The following MTERF4 variants were observed in gnomAD, a reference collection of about 807,000 sequenced individuals.
MTERF4 encodes transcription termination factor 4, mitochondrial.
MTERF4 carries 17 observed loss-of-function variants against 22.5 expected under a neutral mutation model. The ratio of observed to expected loss-of-function variants is 0.75; its 90% confidence interval spans 0.52 to 1.13. The LOEUF is 1.13. Ranked by LOEUF, MTERF4 falls within the 50% of genes most tolerant of loss-of-function variation. The probability of loss-of-function intolerance (pLI) is 0.00; values close to 1 mark genes in which losing one functional copy is unlikely to be tolerated. For synonymous variants in MTERF4, 165 were observed against 175.3 expected (o/e 0.94, Z 0.47); for missense variants, 420 against 466.8 (o/e 0.90, Z 0.92).
chr2:241,077,330 CAT>C (rs1216560968), intron 4 of MTERF4, among the ~76,000 whole-genome samples: 1 of 152,140 alleles, frequency 6.6e-6, no homozygotes, highest in Admixed American at 6.5e-5. Flanking sequence ...TAGAAGAAAA[CAT>C]AGGAGTAAAT....
chr2:241,044,184 ATAGGTTCAGTC>A, the MTERF4 span, among the ~76,000 whole-genome samples: 1 of 152,236 alleles, frequency 6.6e-6, no homozygotes, highest in Admixed American at 6.5e-5. Flanking sequence ...TAGCAAGATG[ATAGGTTCAGTC>A]TAGTCATATT....
At position 241,096,108 on chromosome 2, in the gene MTERF4, C is replaced by T. The variant is rs1169199128; in HGVS notation, c.1036G>A (p.Asp346Asn). 9.3e-6 allele frequency: 15 copies of T among 1,613,418 alleles called. No individual in the cohort carries two copies. Among genetic ancestry groups the T allele is most frequent in the African/African-American group, 4.0e-5 (3 of 74,726 alleles). The change falls in exon 4 of 4, where the codon GAT (aspartate) becomes AAT (asparagine). Residue 346 changes from aspartate (D) to asparagine (N), a missense_variant. By Grantham distance (23) the Asp-to-Asn change is conservative (BLOSUM62 1). Transcript: ENST00000391980. This position sits in a 1 kb window ranked among gnomAD's most constrained non-coding sequence, Gnocchi z 5.1. ...TCCTCATCATTGTCCTCCTCATCAT[C>T]GTCATCCTCATCCTCATCCAGACTT... ...RASLDEDEDDDDEEDNDEDDN... is the reference protein window; with the variant it reads ...RASLDEDEDDNDEEDNDEDDN...
the MTERF4 span, chr2:241,048,575 G>T: frequency 6.7e-7 from 1 of 1,501,424 alleles, no homozygotes; most frequent in Admixed American, 2.0e-5. Context: ...TGTATGGGAA[G>T]TTGGCCAGGA....
chr2:241,078,122 C>A (rs568394101), intron 4 of MTERF4, among the ~76,000 whole-genome samples: 1 of 152,092 alleles, frequency 6.6e-6, no homozygotes, highest in Non-Finnish European at 1.5e-5. Flanking sequence ...CGGTGGCTCA[C>A]GCCTGTAATC....
the MTERF4 span, among the ~76,000 whole-genome samples, chr2:241,047,146 C>CAAAAAAAA: frequency 1.5e-5 from 1 of 68,134 alleles, no homozygotes; most frequent in African/African-American, 4.6e-5. Context: ...GAGACTCTGT[C>CAAAAAAAA]AAAAAAAAAA....
At chr2:241,091,612 T>A (rs1199395064), downstream of MTERF4, 1 of 152,276 alleles carries the variant, frequency 6.6e-6, no homozygotes, top group Non-Finnish European at 1.5e-5. This position sits in a 1 kb window ranked among gnomAD's most constrained non-coding sequence, Gnocchi z 4.1. Flanking sequence ...ATTCTCCTCA[T>A]GCTTCACTTT....
chr2:241,089,311 G>C (rs938749127), downstream of MTERF4: 4 of 1,550,200 alleles, frequency 2.6e-6, no homozygotes, highest in South Asian at 1.2e-5. Context: ...GCAGATGAGT[G>C]AGGCACCCTT....
downstream of MTERF4, chr2:241,090,183 G>A (rs927948073): frequency 2.0e-6 from 3 of 1,466,044 alleles, no homozygotes; most frequent in Admixed American, 5.1e-5. Context: ...TCTGTCCTTA[G>A]TGCTTTTCTC....
intron 4 of MTERF4, among the ~76,000 whole-genome samples, chr2:241,078,045 C>T (rs1215217567): frequency 6.6e-6 from 1 of 152,104 alleles, no homozygotes; most frequent in Non-Finnish European, 1.5e-5. Context: ...AGCAGCACAG[C>T]ACAAAAGCCA....
At chr2:241,057,852 T>A in the MTERF4 span, among the ~76,000 whole-genome samples, 1 of 151,932 alleles carries the variant, frequency 6.6e-6, no homozygotes, top group Admixed American at 6.6e-5. Context: ...AATAAGATAA[T>A]AAGATAAACC....
chr2:241,089,311 G>T, downstream of MTERF4: 1 of 1,550,318 alleles, frequency 6.5e-7, no homozygotes, highest in Middle Eastern at 1.7e-4. Flanking sequence ...GCAGATGAGT[G>T]AGGCACCCTT....
chr2:241,062,813 G>C, the MTERF4 span: 1 of 1,611,146 alleles, frequency 6.2e-7, no homozygotes, highest in Non-Finnish European at 8.5e-7. Flanking sequence ...GCCGGTCTCA[G>C]CCGTGCCTGC....
At chr2:241,043,504 A>T in the MTERF4 span, among the ~76,000 whole-genome samples, 5 of 152,206 alleles carry the variant, frequency 3.3e-5, no homozygotes, top group Admixed American at 2.6e-4. Flanking sequence ...TTACAAAAAA[A>T]TGTTAAAGGA....
chr2:241,100,575 C>T (rs1412365329), intron 1 of MTERF4, among the ~76,000 whole-genome samples: 1 of 152,106 alleles, frequency 6.6e-6, no homozygotes, highest in East Asian at 1.9e-4. Context: ...GGTAATCCTC[C>T]CACCTCAGCC....
chr2:241,049,386 C>G, the MTERF4 span, among the ~76,000 whole-genome samples: 1 of 152,222 alleles, frequency 6.6e-6, no homozygotes, highest in Non-Finnish European at 1.5e-5. Context: ...GGTATCTTAC[C>G]TAAGCCCCAA....
At position 241,081,863 on chromosome 2, in the gene MTERF4, C is replaced by A. The variant is rs966178742; in HGVS notation, n.480-6181G>T. 7 of 1,216,044 alleles carry A rather than the reference C, an allele frequency of 5.8e-6. No homozygotes were observed. The African/African-American group carries it at 1.1e-4, about 18-fold the overall frequency. 75.3% of individuals were successfully genotyped at this position (1,216,044 alleles called of 1,614,324 possible). On this transcript the variant is annotated intron_variant and non_coding_transcript_variant, in intron 4 of 4. Transcript: ENST00000464344. ...GTGCCTCAGCCTAGGACTGCTGGGC[C>A]ACAGCTGGGTTTGCCACGGGAGCCT...
downstream of MTERF4, chr2:241,088,669 T>G: frequency 2.1e-6 from 1 of 473,208 alleles, no homozygotes; most frequent in Non-Finnish European, 3.7e-6. Context: ...TCCCACTCTC[T>G]CTCAAGGGAA....
At chr2:241,062,844 C>T in the MTERF4 span, 13 of 1,611,836 alleles carry the variant, frequency 8.1e-6, no homozygotes, top group East Asian at 1.8e-4. Context: ...TTGTCAGGAC[C>T]GCGTTGCTGG....
intron 2 of MTERF4, among the ~76,000 whole-genome samples, chr2:241,097,996 C>T (rs969258654): frequency 1.3e-5 from 2 of 152,162 alleles, no homozygotes; most frequent in African/African-American, 4.8e-5. Flanking sequence ...ATATCTTCTC[C>T]AAGCCAGGGC....
Sources: gnomAD v4.1 joint callset for allele counts (sites outside exome capture counted in the v4.1 genomes callset) on GRCh38, gnomAD v4.1.1 for gene constraint, Gnocchi (gnomAD v3.1) non-coding constraint, MANE v1.5 for transcripts, NCBI Gene and HGNC (gene_info 2026-07-23, HGNC 2026-07-21) for gene names.